SLC5A8: variants seen among roughly 807,000 people sequenced by gnomAD.
SLC5A8 encodes sodium-coupled monocarboxylate transporter 1.
SLC5A8 carries 55 observed loss-of-function variants against 71.9 expected under a neutral mutation model. That is an observed-to-expected ratio of 0.77 (90% CI 0.62 to 0.96). The LOEUF (loss-of-function observed/expected upper bound fraction) is 0.96. SLC5A8 is among the 40% of genes least tolerant of loss of function. The probability of loss-of-function intolerance (pLI) is 0.00; values close to 1 mark genes in which losing one functional copy is unlikely to be tolerated. For missense variants in SLC5A8, 701 were observed against 745.3 expected (o/e 0.94, Z 0.69); for synonymous variants, 307 against 276.1 (o/e 1.11, Z -1.11).
chr12:101,208,480 G>C (rs1203704813), intron 1 of SLC5A8, among the ~76,000 whole-genome samples: 1 of 152,130 alleles, frequency 6.6e-6, no homozygotes, highest in Non-Finnish European at 1.5e-5. Context: ...GGGTGAGGGA[G>C]ACCACTGAAG....
intron 4 of SLC5A8, among the ~76,000 whole-genome samples, 193 bp from the exon 5 acceptor site, chr12:101,193,972 A>G (rs74921634): frequency 0.04 from 6,155 of 152,286 alleles, 438 homozygotes; most frequent in African/African-American, 0.14. Flanking sequence ...AAACATAAGC[A>G]GAGGCAAAGA....
At chr12:101,176,081 C>G (rs1283334231) in intron 10 of SLC5A8, among the ~76,000 whole-genome samples, 1 of 151,972 alleles carries the variant, frequency 6.6e-6, no homozygotes, top group Non-Finnish European at 1.5e-5. Context: ...AAAAAAGACT[C>G]AACTGTGTGC....
chr12:101,166,765 AG>A, intron 11 of SLC5A8, 66 bp from the exon 12 acceptor site: 1 of 1,418,362 alleles, frequency 7.1e-7, no homozygotes, highest in South Asian at 1.4e-5. Context: ...AATTAATATT[AG>A]AAAGCCAAGT....
intron 13 of SLC5A8, among the ~76,000 whole-genome samples, chr12:101,159,183 T>A (rs1323047315): frequency 1.3e-5 from 2 of 152,086 alleles, no homozygotes; most frequent in Non-Finnish European, 2.9e-5. Context: ...AGAGGATCCT[T>A]ATGCCCTCTA....
At chr12:101,167,454 T>A (rs1409498476) in intron 11 of SLC5A8, among the ~76,000 whole-genome samples, 2 of 152,226 alleles carry the variant, frequency 1.3e-5, no homozygotes, top group South Asian at 2.1e-4. Context: ...GAACTACATC[T>A]TATAGCCAGA....
chr12:101,186,537 C>T (rs1423678623), intron 7 of SLC5A8, among the ~76,000 whole-genome samples: 1 of 152,102 alleles, frequency 6.6e-6, no homozygotes, highest in Non-Finnish European at 1.5e-5. Flanking sequence ...TTCTAGTTCC[C>T]CTTTTTGAAA....
rs1394785191 is a variant in SLC5A8 at position 101,156,709 on chromosome 12, A to G, written c.*570T>C. On this transcript the variant is annotated 3_prime_UTR_variant, in exon 15 of 15. Coordinates refer to ENST00000536262, the MANE Select transcript of SLC5A8 (RefSeq NM_145913.5). ...GCCCACGGTCTTTCCCAGCCAGAAT[A>G]CTTATTGATTACCACCTTCCTGATT... The G allele has an allele frequency of 6.6e-6, 1 of 152,242 alleles. No individual in the cohort carries two copies. The highest frequency in any genetic ancestry group is 1.5e-5 in the Non-Finnish European group (1 of 68,106). 9.4% of individuals were successfully genotyped at this position (152,242 alleles called of 1,614,324 possible). A position where few individuals can be genotyped will look rare whatever the true frequency, so the allele number is the denominator to read the frequency against.
intron 3 of SLC5A8, among the ~76,000 whole-genome samples, chr12:101,200,789 A>G (rs985464186): frequency 1.3e-5 from 2 of 152,138 alleles, no homozygotes; most frequent in African/African-American, 4.8e-5. Flanking sequence ...TAGAGTGATG[A>G]ATGAGCACAT....
chr12:101,158,918 T>C (rs1173546789), intron 13 of SLC5A8, among the ~76,000 whole-genome samples: 2 of 148,194 alleles, frequency 1.3e-5, no homozygotes, highest in Non-Finnish European at 3.0e-5. Flanking sequence ...GACTGACGTT[T>C]GATCCAAATC....
chr12:101,197,707 A>G (rs1303618885), intron 3 of SLC5A8, among the ~76,000 whole-genome samples: 1 of 152,156 alleles, frequency 6.6e-6, no homozygotes, highest in Non-Finnish European at 1.5e-5. Flanking sequence ...AAATTGACAG[A>G]GAAATAGCAG....
intron 5 of SLC5A8, among the ~76,000 whole-genome samples, chr12:101,192,568 G>A (rs1027504436): frequency 1.3e-5 from 2 of 152,182 alleles, no homozygotes; most frequent in Non-Finnish European, 2.9e-5. Flanking sequence ...TTTGAATTGT[G>A]TGATATACTT....
intron 5 of SLC5A8, among the ~76,000 whole-genome samples, chr12:101,191,114 T>C (rs1475029237): frequency 6.6e-6 from 1 of 152,184 alleles, no homozygotes; most frequent in African/African-American, 2.4e-5. Context: ...ATTAATGCAG[T>C]TTCAAGTTTT....
chr12:101,195,345 G>A (rs1346741231), intron 3 of SLC5A8, among the ~76,000 whole-genome samples, 183 bp from the exon 4 acceptor site: 1 of 152,062 alleles, frequency 6.6e-6, no homozygotes, highest in Non-Finnish European at 1.5e-5. Context: ...GTTTAAAATT[G>A]TATTTGATAA....
chr12:101,210,011 C>G lies in SLC5A8; in HGVS notation c.-163G>C. ...GTCGGCCTCCGAACGCACCCCGAGG[C>G]GGGGTGAGGGCTGGCAGTCGCCCCT... is the stretch of plus-strand genomic sequence containing the variant. On this transcript the variant is annotated 5_prime_UTR_variant, in exon 1 of 15. Coordinates refer to ENST00000536262, the MANE Select transcript of SLC5A8 (RefSeq NM_145913.5). 1.7e-6 allele frequency: 1 copy of G among 591,438 alleles called. No homozygotes were observed. The highest frequency in any genetic ancestry group is 3.8e-5 in the Admixed American group (1 of 26,118). The allele number at this position is 591,438 out of a possible 1,614,324, so 36.6% of individuals were successfully genotyped here.
chr12:101,199,545 C>T (rs1869346783), intron 3 of SLC5A8, among the ~76,000 whole-genome samples: 1 of 151,730 alleles, frequency 6.6e-6, no homozygotes, highest in Non-Finnish European at 1.5e-5. Flanking sequence ...CCATAATAGT[C>T]TAATAATAAG....
At chr12:101,199,289 A>C (rs1869333418) in intron 3 of SLC5A8, 1 of 152,080 alleles carries the variant, frequency 6.6e-6, no homozygotes. Flanking sequence ...GGAATGCTTC[A>C]CAAATTTGCA....
chr12:101,156,958 A>G lies in SLC5A8; in HGVS notation c.*321T>C, dbSNP rs1025281223. 3.3e-5 allele frequency: 7 copies of G among 215,024 alleles called. No homozygotes were observed. The highest frequency in any genetic ancestry group is 1.0e-4 in the East Asian group (1 of 9,862). 13.3% of individuals were successfully genotyped at this position (215,024 alleles called of 1,614,324 possible). A position where few individuals can be genotyped will look rare whatever the true frequency, so the allele number is the denominator to read the frequency against. The stretch of plus-strand genomic sequence containing the variant: ...TTTTCAATAATACCCAAATTTAAGA[A>G]TATACCTTTGACAATCAAATACATG... On this transcript the variant is annotated 3_prime_UTR_variant, in exon 15 of 15. Coordinates refer to ENST00000536262, the MANE Select transcript of SLC5A8 (RefSeq NM_145913.5).
chr12:101,190,356 T>C, intron 6 of SLC5A8, 112 bp downstream of exon 6: 1 of 1,187,660 alleles, frequency 8.4e-7, no homozygotes, highest in Non-Finnish European at 1.2e-6. Flanking sequence ...ATTTATCTCT[T>C]GGAATTTCAT....
chr12:101,184,101 G>T (rs973938433), intron 8 of SLC5A8, 33 bp downstream of exon 8: 6 of 1,575,838 alleles, frequency 3.8e-6, no homozygotes, highest in African/African-American at 1.4e-5. Context: ...TCCCAACAGG[G>T]AAATCATATG....
Sources: allele counts gnomAD v4.1 joint callset (sites outside exome capture counted in the v4.1 genomes callset), GRCh38; gene constraint gnomAD v4.1.1; transcripts MANE v1.5; gene names NCBI Gene and HGNC (gene_info 2026-07-23, HGNC 2026-07-21).